Variants in RIMS4 observed in about 807,000 individuals in gnomAD.
The protein encoded by RIMS4 is regulating synaptic membrane exocytosis protein 4.
Under a neutral mutation model 29.0 loss-of-function variants are expected in RIMS4, and 9 were observed. That is an observed-to-expected ratio of 0.31 (90% CI 0.19 to 0.54). The LOEUF (loss-of-function observed/expected upper bound fraction) is 0.54, where lower values mean the gene tolerates loss of function less well. Among genes scored for constraint, RIMS4 ranks in the 20% least tolerant of loss-of-function variants. The pLI is 0.94. For synonymous variants in RIMS4, 130 were observed against 152.9 expected (o/e 0.85, Z 1.10); for missense variants, 193 against 365.7 (o/e 0.53, Z 3.85).
chr20:44,758,923 G>A (rs2066072535), intron 2 of RIMS4, among the ~76,000 whole-genome samples: 1 of 152,162 alleles, frequency 6.6e-6, no homozygotes, highest in Non-Finnish European at 1.5e-5. Flanking sequence ...TGAGCTCCTG[G>A]ATCAAGCTCT....
chr20:44,806,043 AG>A (rs1312440991), intron 1 of RIMS4, among the ~76,000 whole-genome samples: 2 of 152,228 alleles, frequency 1.3e-5, no homozygotes, highest in African/African-American at 4.8e-5. Context: ...GGGTGGTGCC[AG>A]GAAGGGCTTT....
chr20:44,808,144 C>T (rs1161102457), intron 1 of RIMS4, among the ~76,000 whole-genome samples: 1 of 151,882 alleles, frequency 6.6e-6, no homozygotes, highest in Non-Finnish European at 1.5e-5. Flanking sequence ...CACAAACACT[C>T]ACACAAATAC....
rs140270756 is a variant in RIMS4, at chr20:44,805,091, G to C, written c.97+5084C>G. Among the ~76,000 whole-genome samples the C allele has an allele frequency of 3.8e-3, 582 of 152,082 alleles. 1 individual carries two copies. The highest frequency in any genetic ancestry group is 0.013 in the African/African-American group (553 of 41,496). On this transcript the variant is annotated intron_variant, in intron 1 of 5. Transcript: ENST00000372851. ...AAGACGGGAGGATCGTTGAGTTCAG[G>C]AGTTTGAGACCAGTCTGGGTGACAT...
chr20:44,798,251 T>G (rs530199138), intron 1 of RIMS4, among the ~76,000 whole-genome samples: 1 of 152,324 alleles, frequency 6.6e-6, no homozygotes, highest in African/African-American at 2.4e-5. Flanking sequence ...CATGTATATA[T>G]TCATGAAAAA....
intron 1 of RIMS4, among the ~76,000 whole-genome samples, chr20:44,793,582 G>A (rs564193609): frequency 1.3e-5 from 2 of 152,336 alleles, no homozygotes; most frequent in East Asian, 3.9e-4. Context: ...GGAAGGGGTT[G>A]AGACAGACCC....
chr20:44,757,960 G>A, intron 3 of RIMS4, 112 bp downstream of exon 3: 1 of 964,664 alleles, frequency 1.0e-6, no homozygotes, highest in Non-Finnish European at 1.6e-6. Context: ...GCTCTAGGCG[G>A]CATGCGCAGA....
chr20:44,754,222 G>A lies in RIMS4; in HGVS notation c.*1912C>T, dbSNP rs1275196191. 1 of 152,388 alleles carries A rather than the reference G, an allele frequency of 6.6e-6. No individual in the cohort carries two copies. Among genetic ancestry groups the A allele is most frequent in the Non-Finnish European group, 1.5e-5 (1 of 68,124 alleles). The allele number at this position is 152,388 out of a possible 1,614,324, so 9.4% of individuals were successfully genotyped here. On this transcript the variant is annotated 3_prime_UTR_variant, in exon 6 of 6. Coordinates refer to ENST00000372851, the MANE Select transcript of RIMS4 (RefSeq NM_182970.4). Reference sequence around the variant, plus strand: ...TGGGATTCCACCCACCGCGGTCCCAGGAAACTCTGAAGACCTCCTGGGTAA... The same window carrying A: ...TGGGATTCCACCCACCGCGGTCCCAAGAAACTCTGAAGACCTCCTGGGTAA...
intron 1 of RIMS4, among the ~76,000 whole-genome samples, chr20:44,790,317 G>A (rs2066227478): frequency 6.6e-6 from 1 of 152,168 alleles, no homozygotes; most frequent in South Asian, 2.1e-4. Flanking sequence ...CATATGATTT[G>A]CCCAATAATA....
chr20:44,794,200 A>G (rs1235177511), intron 1 of RIMS4, among the ~76,000 whole-genome samples: 1 of 152,200 alleles, frequency 6.6e-6, no homozygotes, highest in Non-Finnish European at 1.5e-5. Flanking sequence ...GTGGTCTCCA[A>G]TTTTTACCAA....
intron 1 of RIMS4, among the ~76,000 whole-genome samples, chr20:44,773,536 C>A (rs1238744144): frequency 6.6e-6 from 1 of 151,978 alleles, no homozygotes; most frequent in Non-Finnish European, 1.5e-5. Flanking sequence ...TGACTGGGCA[C>A]CCTGCAGGCA....
At chr20:44,808,420 C>T (rs2066308537) in intron 1 of RIMS4, among the ~76,000 whole-genome samples, 1 of 152,184 alleles carries the variant, frequency 6.6e-6, no homozygotes, top group Non-Finnish European at 1.5e-5. Flanking sequence ...CCGCTCCTGC[C>T]TCTGATGCTC....
At chr20:44,765,114 C>A (rs921346866) in intron 2 of RIMS4, among the ~76,000 whole-genome samples, 5 of 152,164 alleles carry the variant, frequency 3.3e-5, no homozygotes, top group African/African-American at 7.2e-5. Context: ...AACTGAGGCA[C>A]AGAATTGTTA....
intron 1 of RIMS4, among the ~76,000 whole-genome samples, chr20:44,796,815 G>A (rs1168093571): frequency 6.6e-6 from 1 of 152,238 alleles, no homozygotes; most frequent in African/African-American, 2.4e-5. Flanking sequence ...ACAAATGCTT[G>A]GAAGAGCTGT....
At chr20:44,782,724 A>G (rs1171149382) in intron 1 of RIMS4, among the ~76,000 whole-genome samples, 1 of 152,194 alleles carries the variant, frequency 6.6e-6, no homozygotes. Context: ...CAGCTGCTGC[A>G]CTTTTCTCTA....
chr20:44,773,493 C>T (rs8117516), intron 1 of RIMS4, among the ~76,000 whole-genome samples: 1 of 151,668 alleles, frequency 6.6e-6, no homozygotes, highest in Non-Finnish European at 1.5e-5. Flanking sequence ...AACAAACACC[C>T]CCCCCACACC....
intron 1 of RIMS4, among the ~76,000 whole-genome samples, chr20:44,779,538 T>C (rs1489917136): frequency 6.6e-6 from 1 of 152,212 alleles, no homozygotes; most frequent in African/African-American, 2.4e-5. Flanking sequence ...CAACACGACG[T>C]TTGTGGGGTT....
At chr20:44,779,616 A>G (rs1189889959) in intron 1 of RIMS4, among the ~76,000 whole-genome samples, 2 of 152,240 alleles carry the variant, frequency 1.3e-5, no homozygotes, top group Admixed American at 6.5e-5. Context: ...TTGTGTGAAT[A>G]TATCAAAATA....
chr20:44,756,319 G>T lies in RIMS4; in HGVS notation c.625C>A (p.Arg209=). Residue 209 remains arginine, a synonymous_variant, in exon 6 of 6, where the codon CGG becomes AGG. Transcript: ENST00000372851. This position sits in a 1 kb window ranked among gnomAD's most constrained non-coding sequence, Gnocchi z 5.9. ...IVWGNYGRME[R]KQFMGVARVL... is the part of the protein sequence containing the mutation. Reference sequence around the variant, plus strand: ...CGAGCCACACCCATGAACTGCTTCCGCTCCATCCGCCCGTAGTTCCCCCAC... The same window carrying T: ...CGAGCCACACCCATGAACTGCTTCCTCTCCATCCGCCCGTAGTTCCCCCAC... 1 of 1,613,952 alleles carries T rather than the reference G, an allele frequency of 6.2e-7. No homozygotes were observed. The highest frequency in any genetic ancestry group is 8.5e-7 in the Non-Finnish European group (1 of 1,179,992).
In RIMS4 at chr20:44,753,256, C is replaced by T. The variant is rs1601013184; in HGVS notation, c.*2878G>A. 1 of 152,764 alleles carries T rather than the reference C, an allele frequency of 6.5e-6. No individual in the cohort carries two copies. Among genetic ancestry groups the T allele is most frequent in the Non-Finnish European group, 1.5e-5 (1 of 68,078 alleles). The allele number at this position is 152,764 out of a possible 1,614,324, so 9.5% of individuals were successfully genotyped here. On this transcript the variant is annotated 3_prime_UTR_variant, in exon 6 of 6. Coordinates refer to ENST00000372851, the MANE Select transcript of RIMS4 (RefSeq NM_182970.4). ...AGGGAGGAGGAGGTATGGGCAGTGG[C>T]AGCCCCACCTCATACTGCCCTGGCT...
Sources: allele counts gnomAD v4.1 joint callset (sites outside exome capture counted in the v4.1 genomes callset), GRCh38; gene constraint gnomAD v4.1.1; non-coding constraint Gnocchi (gnomAD v3.1); transcripts MANE v1.5; gene names NCBI Gene and HGNC (gene_info 2026-07-23, HGNC 2026-07-21).